The following ASCC3 variants were observed in gnomAD, a reference collection of about 807,000 sequenced individuals.
ASCC3 encodes activating signal cointegrator 1 complex subunit 3.
Under a neutral mutation model 256.3 loss-of-function variants are expected in ASCC3, and 158 were observed. The observed-to-expected ratio is 0.62, with a 90% CI of 0.54 to 0.70. ASCC3 has a LOEUF of 0.70. ASCC3 is among the 30% of genes least tolerant of loss of function. The probability of loss-of-function intolerance (pLI) is 0.00; values close to 1 mark genes in which losing one functional copy is unlikely to be tolerated. For synonymous variants in ASCC3, 948 were observed against 883.4 expected (o/e 1.07, Z -1.30); for missense variants, 2,259 against 2,626.0 (o/e 0.86, Z 3.05).
At chr6:100,817,722 A>G (rs1770823705) in intron 4 of ASCC3, among the ~76,000 whole-genome samples, 1 of 152,166 alleles carries the variant, frequency 6.6e-6, no homozygotes, top group Admixed American at 6.5e-5. Flanking sequence ...AAACCAACTC[A>G]AGAAGTAATA....
At chr6:100,840,222 A>T (rs1172130064) in intron 4 of ASCC3, among the ~76,000 whole-genome samples, 1 of 152,210 alleles carries the variant, frequency 6.6e-6, no homozygotes, top group African/African-American at 2.4e-5. Context: ...ATCTGATCCA[A>T]ATAACTCTCC....
At chr6:100,550,253 A>G (rs1243200754) in intron 36 of ASCC3, among the ~76,000 whole-genome samples, 1 of 151,858 alleles carries the variant, frequency 6.6e-6, no homozygotes, top group East Asian at 1.9e-4. Flanking sequence ...AGAAAATTCA[A>G]TAGCTATTTT....
chr6:100,530,594 A>G (rs903159585), intron 37 of ASCC3: 7 of 791,588 alleles, frequency 8.8e-6, no homozygotes, highest in Non-Finnish European at 1.6e-5. Flanking sequence ...TGATTATTGC[A>G]TGGATGTTCA....
intron 4 of ASCC3, among the ~76,000 whole-genome samples, chr6:100,814,844 T>G (rs1444116595): frequency 6.6e-6 from 1 of 152,122 alleles, no homozygotes; most frequent in Non-Finnish European, 1.5e-5. Flanking sequence ...TCTTCATTAG[T>G]CTAGCTAGCA....
intron 13 of ASCC3, among the ~76,000 whole-genome samples, chr6:100,690,084 G>C (rs1368499380): frequency 1.3e-5 from 2 of 151,988 alleles, no homozygotes; most frequent in Non-Finnish European, 2.9e-5. Context: ...TGGGAGACTG[G>C]TTTCAGAACC....
chr6:100,874,519 T>G (rs1288436594), intron 1 of ASCC3, among the ~76,000 whole-genome samples: 1 of 149,300 alleles, frequency 6.7e-6, no homozygotes. Context: ...GGAAAAAGAT[T>G]CCCTTTAAGT....
At chr6:100,714,947 C>G (rs1779022081) in intron 13 of ASCC3, among the ~76,000 whole-genome samples, 1 of 151,916 alleles carries the variant, frequency 6.6e-6, no homozygotes, top group Non-Finnish European at 1.5e-5. Context: ...CAGGAAAACA[C>G]TTTACATGTC....
intron 13 of ASCC3, among the ~76,000 whole-genome samples, chr6:100,708,444 A>T (rs1778705040): frequency 6.6e-6 from 1 of 152,184 alleles, no homozygotes; most frequent in South Asian, 2.1e-4. Context: ...AATTTTACAC[A>T]CATTTAGATG....
Position 100,679,663 on chromosome 6 carries a change from G to C in ASCC3, c.2241C>G (p.Phe747Leu). The C allele has an allele frequency of 6.2e-7, 1 of 1,613,668 alleles. No homozygotes were observed. The highest frequency in any genetic ancestry group is 1.1e-5 in the South Asian group (1 of 91,078). Residue 747 changes from phenylalanine (F) to leucine (L), a missense_variant, in exon 14 of 42, where the codon TTC (phenylalanine) becomes TTG (leucine). This residue lies in a region of ASCC3 where 1,839 missense variants were observed against 2,206.7 expected (regional missense o/e 0.83). Transcript: ENST00000369162. Reference protein sequence around the residue: ...ERAKNCGHIPFFFPTQGHDYV... With the variant: ...ERAKNCGHIPLFFPTQGHDYV... The stretch of plus-strand genomic sequence containing the variant: ...AGTCATGTCCTTGGGTAGGAAAAAA[G>C]AAGGGAATATGGCCACAATTTTTTG...
chr6:100,834,124 G>T (rs1208410935), intron 4 of ASCC3, among the ~76,000 whole-genome samples: 1 of 152,100 alleles, frequency 6.6e-6, no homozygotes, highest in Non-Finnish European at 1.5e-5. Flanking sequence ...TCAAATCTTT[G>T]TGGAAAAAAT....
intron 4 of ASCC3, among the ~76,000 whole-genome samples, chr6:100,829,306 G>A (rs1490532061): frequency 1.3e-5 from 2 of 152,126 alleles, no homozygotes; most frequent in African/African-American, 2.4e-5. Context: ...GGAGGCTCCG[G>A]CCGCACAGGA....
intron 13 of ASCC3, among the ~76,000 whole-genome samples, chr6:100,697,632 G>A (rs1042496330): frequency 6.6e-6 from 1 of 151,382 alleles, no homozygotes; most frequent in Non-Finnish European, 1.5e-5. Context: ...ATTTTCTTTT[G>A]ATATTTTGGG....
At chr6:100,810,541 G>A (rs1188881539) in intron 4 of ASCC3, among the ~76,000 whole-genome samples, 2 of 152,040 alleles carry the variant, frequency 1.3e-5, no homozygotes, top group East Asian at 3.8e-4. Flanking sequence ...TTAAATAAGT[G>A]TCATATTTTT....
At chr6:100,729,067 T>A (rs1303613991) in intron 10 of ASCC3, among the ~76,000 whole-genome samples, 2 of 152,088 alleles carry the variant, frequency 1.3e-5, no homozygotes, top group African/African-American at 2.4e-5. Flanking sequence ...CTAAGACAAA[T>A]CAGGGAAGGC....
chr6:100,516,269 G>A lies in ASCC3; in HGVS notation c.5986C>T (p.Leu1996Phe), dbSNP rs747609990. ...CCACAGGCATGGATCAGTTCAGGAA[G>A]GGACTCGATGGAGGTCCGACCCCTA... ...HARGRTSIESLPELIHACGGK... is the reference protein window; with the variant it reads ...HARGRTSIESFPELIHACGGK... Residue 1996 changes from leucine (L) to phenylalanine (F), a missense_variant, in exon 39 of 42, where the codon CTT (leucine) becomes TTT (phenylalanine). Physicochemically the swap from Leu to Phe is conservative, Grantham distance 22. Transcript: ENST00000369162. 2.5e-6 allele frequency: 4 copies of A among 1,613,664 alleles called. No homozygotes were observed. The Admixed American group carries it at 6.7e-5, about 27-fold the overall frequency.
chr6:100,774,166 G>C (rs923534666), intron 8 of ASCC3, among the ~76,000 whole-genome samples: 5 of 152,134 alleles, frequency 3.3e-5, no homozygotes, highest in African/African-American at 9.7e-5. Context: ...GGGTTTTGCT[G>C]ATGATTTCTG....
chr6:100,532,398 ATATATATATT>A (rs1385591953), intron 37 of ASCC3, among the ~76,000 whole-genome samples: 42 of 46,394 alleles, frequency 9.1e-4, no homozygotes, highest in South Asian at 3.3e-3. Flanking sequence ...ATATATATAT[ATATATATATT>A]TTTTTTTTTT....
At chr6:100,598,871 C>A (rs1772448823) in intron 34 of ASCC3, among the ~76,000 whole-genome samples, 1 of 151,926 alleles carries the variant, frequency 6.6e-6, no homozygotes, top group South Asian at 2.1e-4. Context: ...ACAAAGTAGG[C>A]AAAATTGAAA....
intron 19 of ASCC3, among the ~76,000 whole-genome samples, chr6:100,651,156 A>T (rs988113130): frequency 6.6e-6 from 1 of 151,876 alleles, no homozygotes; most frequent in Non-Finnish European, 1.5e-5. Flanking sequence ...GCCATGAAGT[A>T]CTATGATTCA....
Sources: gnomAD v4.1 joint callset for allele counts (sites outside exome capture counted in the v4.1 genomes callset) on GRCh38, gnomAD v4.1.1 for gene constraint, gnomAD v4.1.1 regional missense constraint, MANE v1.5 for transcripts, NCBI Gene and HGNC (gene_info 2026-07-23, HGNC 2026-07-21) for gene names.